TPST2: variants seen among roughly 807,000 people sequenced by gnomAD.
TPST2 encodes the protein protein-tyrosine sulfotransferase 2.
A neutral mutation model predicts 27.8 loss-of-function variants in TPST2; 16 were observed. The ratio of observed to expected loss-of-function variants is 0.58; its 90% CI spans 0.39 to 0.88. The LOEUF is 0.88. Ranked by LOEUF, TPST2 falls within the 40% of genes least tolerant of loss-of-function variation. The probability of loss-of-function intolerance (pLI) is 0.00; values close to 1 mark genes in which losing one functional copy is unlikely to be tolerated. For missense variants in TPST2, 464 were observed against 543.1 expected, an observed-to-expected ratio of 0.85 and a Z score of 1.45; for synonymous variants, 229 against 231.7, an observed-to-expected ratio of 0.99 and a Z score of 0.10.
rs962952134 is a variant in TPST2 at position 26,555,883 on chromosome 22, G to A, written c.-160-11208C>T. On this transcript the variant is annotated intron_variant, in intron 1 of 6. Transcript: ENST00000338754. ...GATCATGAATAAGAAATCCAGAGGCGGAATGGGCTGCTCACACTCTGCTCA... is the reference window on the plus strand; with the variant it reads ...GATCATGAATAAGAAATCCAGAGGCAGAATGGGCTGCTCACACTCTGCTCA... Among the ~76,000 whole-genome samples, 27 of 152,192 alleles carry A rather than the reference G, an allele frequency of 1.8e-4. 1 individual carries two copies. The highest frequency in any genetic ancestry group is 3.5e-4 in the Non-Finnish European group (24 of 68,042).
At chr22:26,555,861 C>A (rs1312019306) in intron 1 of TPST2, among the ~76,000 whole-genome samples, 1 of 152,222 alleles carries the variant, frequency 6.6e-6, no homozygotes, top group Non-Finnish European at 1.5e-5. Flanking sequence ...CTGGCTGGAT[C>A]ATGAATAAGA....
At chr22:26,533,767 C>T (rs1397150530) in intron 4 of TPST2, among the ~76,000 whole-genome samples, 3 of 152,096 alleles carry the variant, frequency 2.0e-5, no homozygotes, top group African/African-American at 7.2e-5. Context: ...CTCCACTTCC[C>T]AGCCTCAGGT....
chr22:26,576,001 A>G (rs527276672), intron 1 of TPST2, among the ~76,000 whole-genome samples: 27 of 142,986 alleles, frequency 1.9e-4, no homozygotes, highest in African/African-American at 6.7e-4. Context: ...ATCTCAAAAT[A>G]AATAAATAAG....
At chr22:26,532,875 G>A (rs928980426) in intron 4 of TPST2, 130 bp from the exon 5 acceptor site, 2 of 762,358 alleles carry the variant, frequency 2.6e-6, no homozygotes, top group East Asian at 2.5e-5. Flanking sequence ...AACAAACATT[G>A]CTTAAGCTCC....
chr22:26,588,199 T>TA (rs34033548), intron 1 of TPST2, among the ~76,000 whole-genome samples: 107,944 of 145,180 alleles, frequency 0.74, 40,053 homozygotes, highest in East Asian at 0.88. Context: ...ACGAAGTACT[T>TA]AAAAAAAAAA....
At chr22:26,557,272 A>C (rs1926850716) in intron 1 of TPST2, among the ~76,000 whole-genome samples, 1 of 152,238 alleles carries the variant, frequency 6.6e-6, no homozygotes, top group Non-Finnish European at 1.5e-5. Flanking sequence ...AGGTGGTCAG[A>C]GTCCCATGCT....
intron 1 of TPST2, among the ~76,000 whole-genome samples, chr22:26,562,355 G>A (rs1162585850): frequency 6.6e-6 from 1 of 152,162 alleles, no homozygotes; most frequent in African/African-American, 2.4e-5. Context: ...CCCCCACCAT[G>A]AGCCAGACAC....
chr22:26,582,442 C>A (rs542635976), intron 1 of TPST2, among the ~76,000 whole-genome samples: 1 of 152,170 alleles, frequency 6.6e-6, no homozygotes, highest in African/African-American at 2.4e-5. Flanking sequence ...GAAACAAAAA[C>A]AAAAACAACC....
rs113296696 is a variant in TPST2 at position 26,550,039 on chromosome 22, CA to C, written c.-160-5365del. 5.1e-4 allele frequency among the ~76,000 whole-genome samples: 72 copies of C among 140,234 alleles called. 1 individual carries two copies. Among genetic ancestry groups the C allele is most frequent in the Admixed American group, 3.4e-3 (48 of 13,942 alleles). The allele number at this position is 140,234 out of a possible 152,430, so 92.0% of individuals were successfully genotyped here. A position where few individuals can be genotyped will look rare whatever the true frequency, so the allele number is the denominator to read the frequency against. On this transcript the variant is annotated intron_variant, in intron 1 of 6. Coordinates refer to ENST00000338754, the MANE Select transcript of TPST2 (RefSeq NM_003595.5). ...TGGGTGATGGAGCAAGACTCCATCT[CA>C]AAAAAAAAAACAAAAAAAACAAATG...
chr22:26,568,341 T>G (rs754728984), intron 1 of TPST2, among the ~76,000 whole-genome samples: 1 of 152,150 alleles, frequency 6.6e-6, no homozygotes, highest in African/African-American at 2.4e-5. Context: ...CCACAGCAAC[T>G]CCATCTCTCC....
chr22:26,569,739 C>T (rs1927525836), intron 1 of TPST2, among the ~76,000 whole-genome samples: 1 of 151,856 alleles, frequency 6.6e-6, no homozygotes, highest in South Asian at 2.1e-4. Flanking sequence ...CACCTGAGGT[C>T]AGGAGTTCAA....
At position 26,550,816 on chromosome 22, in the gene TPST2, C is replaced by T. The variant is rs58683073; in HGVS notation, c.-160-6141G>A. Among the ~76,000 whole-genome samples the T allele has an allele frequency of 1.2e-3, 180 of 151,738 alleles. 1 individual carries two copies. Among genetic ancestry groups the T allele is most frequent in the African/African-American group, 4.1e-3 (170 of 41,100 alleles). Reference sequence around the variant, plus strand: ...CAGGGTCCCTGGGAATCAGGGACCTCTGACCTATTGCGGGGGGAAGCCAGC... The same window carrying T: ...CAGGGTCCCTGGGAATCAGGGACCTTTGACCTATTGCGGGGGGAAGCCAGC... On this transcript the variant is annotated intron_variant, in intron 1 of 6. Transcript: ENST00000338754.
At chr22:26,550,060 C>A (rs1289918982) in intron 1 of TPST2, among the ~76,000 whole-genome samples, 8 of 140,416 alleles carry the variant, frequency 5.7e-5, no homozygotes, top group Non-Finnish European at 1.1e-4. Context: ...ACAAAAAAAA[C>A]AAATGGGCAG....
intron 3 of TPST2, among the ~76,000 whole-genome samples, chr22:26,539,396 G>A (rs1334097768): frequency 1.3e-5 from 2 of 152,142 alleles, no homozygotes; most frequent in Non-Finnish European, 2.9e-5. Context: ...AGAAGGCAGG[G>A]AGCAAGGGAC....
intron 1 of TPST2, among the ~76,000 whole-genome samples, chr22:26,588,999 C>T (rs1928447510): frequency 6.6e-6 from 1 of 152,098 alleles, no homozygotes; most frequent in African/African-American, 2.4e-5. Flanking sequence ...CAGGAGAATG[C>T]CAGGGAAGGC....
chr22:26,580,941 A>C (rs558080429), intron 1 of TPST2, among the ~76,000 whole-genome samples: 1 of 151,966 alleles, frequency 6.6e-6, no homozygotes, highest in Non-Finnish European at 1.5e-5. Flanking sequence ...CATCGCACTG[A>C]GGCTCTGTTG....
intron 6 of TPST2, among the ~76,000 whole-genome samples, chr22:26,527,725 G>C (rs907703399): frequency 6.6e-6 from 1 of 152,186 alleles, no homozygotes; most frequent in African/African-American, 2.4e-5. Flanking sequence ...GCCTCCCAAG[G>C]ATGCTGAGGG....
chr22:26,569,857 A>G (rs1927530966), intron 1 of TPST2, among the ~76,000 whole-genome samples: 1 of 150,250 alleles, frequency 6.7e-6, no homozygotes. Context: ...AGACTGAAGC[A>G]GGGAGAACTG....
At chr22:26,534,296 C>T (rs1925331510) in intron 4 of TPST2, among the ~76,000 whole-genome samples, 1 of 152,174 alleles carries the variant, frequency 6.6e-6, no homozygotes, top group South Asian at 2.1e-4. Flanking sequence ...TGCAAACTCA[C>T]AGGGCTTAGT....
Sources: allele counts gnomAD v4.1 joint callset (sites outside exome capture counted in the v4.1 genomes callset), GRCh38; gene constraint gnomAD v4.1.1; transcripts MANE v1.5; gene names NCBI Gene and HGNC (gene_info 2026-07-23, HGNC 2026-07-21).